FARS2: variants seen among roughly 807,000 people sequenced by gnomAD.
FARS2 encodes phenylalanyl-tRNA synthetase 2, mitochondrial, also known as phenylalanine--tRNA ligase, mitochondrial.
Under a neutral mutation model 46.4 loss-of-function variants are expected in FARS2, and 40 were observed. The observed-to-expected ratio is 0.86, with a 90% CI of 0.67 to 1.12. The LOEUF (loss-of-function observed/expected upper bound fraction) is 1.12, where lower values mean the gene tolerates loss of function less well. FARS2 is among the 50% of genes most tolerant of loss of function. The pLI, the probability that FARS2 is intolerant of heterozygous loss-of-function variation, is 0.00. For missense variants in FARS2, 513 were observed against 567.9 expected (o/e 0.90, Z 0.98); for synonymous variants, 234 against 214.9 (o/e 1.09, Z -0.78).
At chr6:5,412,955 C>G (rs1162241794) in intron 3 of FARS2, among the ~76,000 whole-genome samples, 1 of 152,186 alleles carries the variant, frequency 6.6e-6, no homozygotes, top group Non-Finnish European at 1.5e-5. Flanking sequence ...CCTTCAACCT[C>G]TGAGACTTGG....
chr6:5,692,136 C>T (rs903769889), intron 6 of FARS2, among the ~76,000 whole-genome samples: 9 of 152,208 alleles, frequency 5.9e-5, no homozygotes, highest in Non-Finnish European at 7.3e-5. Context: ...TTGTGCTTCC[C>T]GGGTGAGGCG....
chr6:5,680,716 T>C (rs1778990363), intron 6 of FARS2, among the ~76,000 whole-genome samples: 1 of 150,242 alleles, frequency 6.7e-6, no homozygotes, highest in Non-Finnish European at 1.5e-5. Flanking sequence ...TCTTGTTTGT[T>C]CTGCAAAAAG....
At chr6:5,736,076 T>C (rs1465075035) in intron 6 of FARS2, among the ~76,000 whole-genome samples, 1 of 152,196 alleles carries the variant, frequency 6.6e-6, no homozygotes, top group Non-Finnish European at 1.5e-5. Context: ...CAGCTGATGC[T>C]GCAGGGATCT....
intron 6 of FARS2, among the ~76,000 whole-genome samples, chr6:5,663,623 G>A (rs1420215796): frequency 6.6e-6 from 1 of 152,176 alleles, no homozygotes; most frequent in Non-Finnish European, 1.5e-5. Context: ...GGAGAGATGT[G>A]AGAAAACCTA....
intron 4 of FARS2, among the ~76,000 whole-genome samples, chr6:5,496,069 C>T (rs765437029): frequency 3.9e-5 from 6 of 152,198 alleles, no homozygotes; most frequent in Admixed American, 1.3e-4. Context: ...CTCCCCACCC[C>T]CAGCTAATTC....
intron 4 of FARS2, among the ~76,000 whole-genome samples, chr6:5,522,342 G>T (rs1319942488): frequency 1.3e-5 from 2 of 152,224 alleles, no homozygotes; most frequent in South Asian, 2.1e-4. Flanking sequence ...CTGCAAGGGG[G>T]TTAGGCCATG....
chr6:5,522,806 A>T (rs1044898115), intron 4 of FARS2, among the ~76,000 whole-genome samples: 4 of 152,236 alleles, frequency 2.6e-5, no homozygotes, highest in Non-Finnish European at 5.9e-5. Context: ...ACCCACATTT[A>T]TCTCTTTCAT....
upstream of FARS2, chr6:5,260,715 C>A: frequency 6.5e-7 from 1 of 1,549,266 alleles, no homozygotes; most frequent in Non-Finnish European, 8.7e-7. Context: ...AACACTTGTG[C>A]GCGACTGGAG....
chr6:5,535,054 C>A (rs1238890251), intron 4 of FARS2, among the ~76,000 whole-genome samples: 1 of 152,166 alleles, frequency 6.6e-6, no homozygotes, highest in East Asian at 1.9e-4. Flanking sequence ...ATTATTATAA[C>A]CACCCTAGTA....
At chr6:5,721,691 T>C (rs1428291001) in intron 6 of FARS2, among the ~76,000 whole-genome samples, 1 of 152,246 alleles carries the variant, frequency 6.6e-6, no homozygotes, top group African/African-American at 2.4e-5. Flanking sequence ...TTGGGAAATA[T>C]GGAGACACAT....
At chr6:5,386,752 G>A (rs767222539) in intron 2 of FARS2, among the ~76,000 whole-genome samples, 3 of 152,224 alleles carry the variant, frequency 2.0e-5, no homozygotes, top group East Asian at 1.9e-4. Context: ...GAAGAGAAAT[G>A]TGTTTTGGGG....
At chr6:5,566,949 G>A (rs769280731) in intron 5 of FARS2, among the ~76,000 whole-genome samples, 1 of 152,270 alleles carries the variant, frequency 6.6e-6, no homozygotes, top group Non-Finnish European at 1.5e-5. Flanking sequence ...CACTGAGACA[G>A]TGAAAGAGAT....
chr6:5,263,143 G>A (rs9784783), intron 1 of FARS2, among the ~76,000 whole-genome samples: 2,909 of 152,202 alleles, frequency 0.019, 91 homozygotes, highest in African/African-American at 0.066. Flanking sequence ...ATTATATTTT[G>A]CTTTTGAGAG....
At chr6:5,555,707 T>G (rs1771616831) in intron 5 of FARS2, among the ~76,000 whole-genome samples, 1 of 152,174 alleles carries the variant, frequency 6.6e-6, no homozygotes, top group South Asian at 2.1e-4. Flanking sequence ...AGTATTTCCA[T>G]GTGTATTTTT....
chr6:5,492,079 C>G (rs75999430), intron 4 of FARS2, among the ~76,000 whole-genome samples: 10,462 of 152,110 alleles, frequency 0.069, 516 homozygotes, highest in South Asian at 0.13. Context: ...TACTCATTTT[C>G]TATGAAACGG....
chr6:5,378,260 A>C (rs553306400), intron 2 of FARS2, among the ~76,000 whole-genome samples: 1 of 152,224 alleles, frequency 6.6e-6, no homozygotes, highest in South Asian at 2.1e-4. Context: ...CTGTCCTCAA[A>C]CCACTGTCCT....
intron 1 of FARS2, among the ~76,000 whole-genome samples, chr6:5,289,459 A>G (rs1010912887): frequency 4.6e-5 from 7 of 152,210 alleles, no homozygotes; most frequent in Non-Finnish European, 1.0e-4. Context: ...CCAGTTACAG[A>G]ATTTTCTGGG....
chr6:5,707,997 C>G (rs1758867792), intron 6 of FARS2, among the ~76,000 whole-genome samples: 1 of 152,164 alleles, frequency 6.6e-6, no homozygotes, highest in Admixed American at 6.5e-5. Context: ...AGGGAAGGTG[C>G]CATTGGAATT....
At chr6:5,454,954 G>A (rs1271582549) in intron 4 of FARS2, among the ~76,000 whole-genome samples, 2 of 152,214 alleles carry the variant, frequency 1.3e-5, no homozygotes, top group African/African-American at 4.8e-5. Context: ...CACCACTGTA[G>A]TAAACCAATT....
Sources: allele counts gnomAD v4.1 joint callset (sites outside exome capture counted in the v4.1 genomes callset), GRCh38; gene constraint gnomAD v4.1.1; transcripts MANE v1.5; gene names NCBI Gene and HGNC (gene_info 2026-07-23, HGNC 2026-07-21).